The following GRM7 variants were observed in gnomAD, a reference collection of about 807,000 sequenced individuals.
GRM7 encodes the protein metabotropic glutamate receptor 7.
Under a neutral mutation model 84.5 loss-of-function variants are expected in GRM7, and 35 were observed. The observed-to-expected ratio is 0.41, with a 90% CI of 0.32 to 0.55. The LOEUF (loss-of-function observed/expected upper bound fraction) is 0.55. Among genes scored for constraint, GRM7 ranks in the 20% least tolerant of loss-of-function variants. The pLI is 0.19. For missense variants in GRM7, 1,003 were observed against 1,194.6 expected (o/e 0.84, Z 2.36); for synonymous variants, 487 against 455.1 (o/e 1.07, Z -0.89).
rs895878169 is a variant in GRM7, at chr3:7,741,336, G to A, written c.*930G>A. 3 of 152,460 alleles carry A rather than the reference G, an allele frequency of 2.0e-5. No homozygotes were observed. 9.4% of individuals were successfully genotyped at this position (152,460 alleles called of 1,614,324 possible). Reference sequence around the variant, plus strand: ...TGTTCATGCCCCCTTTGACTGATCAGTGTGATAAGGACTTTAGGAAAAAAA... The same window carrying A: ...TGTTCATGCCCCCTTTGACTGATCAATGTGATAAGGACTTTAGGAAAAAAA... On this transcript the variant is annotated 3_prime_UTR_variant, in exon 10 of 10. Coordinates refer to ENST00000357716, the MANE Select transcript of GRM7 (RefSeq NM_000844.4).
chr3:7,040,165 G>A (rs907832768), intron 1 of GRM7, among the ~76,000 whole-genome samples: 2 of 152,184 alleles, frequency 1.3e-5, no homozygotes, highest in Non-Finnish European at 1.5e-5. Context: ...TGAATCATCA[G>A]ATTTTAGCTT....
intron 4 of GRM7, among the ~76,000 whole-genome samples, chr3:7,337,385 A>C (rs1701462012): frequency 6.6e-6 from 1 of 152,114 alleles, no homozygotes; most frequent in Non-Finnish European, 1.5e-5. Flanking sequence ...CCCACAACCA[A>C]ATGCAACAAA....
At chr3:7,285,552 A>G (rs1327086919) in intron 2 of GRM7, among the ~76,000 whole-genome samples, 3 of 152,176 alleles carry the variant, frequency 2.0e-5, no homozygotes, top group Non-Finnish European at 4.4e-5. Context: ...CAAAAAGTAC[A>G]GGTAACAGAG....
At chr3:7,297,158 C>T (rs1699844073) in intron 2 of GRM7, among the ~76,000 whole-genome samples, 1 of 151,996 alleles carries the variant, frequency 6.6e-6, no homozygotes, top group African/African-American at 2.4e-5. Context: ...CTAAACACTG[C>T]TTTATCTGTA....
intron 2 of GRM7, among the ~76,000 whole-genome samples, chr3:7,241,176 C>A (rs1312607016): frequency 1.3e-5 from 2 of 152,164 alleles, no homozygotes; most frequent in African/African-American, 4.8e-5. Flanking sequence ...TGCTTGACCT[C>A]AAATGTGAGG....
chr3:7,112,310 T>C (rs1220645169), intron 1 of GRM7, among the ~76,000 whole-genome samples: 4 of 151,686 alleles, frequency 2.6e-5, no homozygotes, highest in Admixed American at 6.6e-5. Context: ...CTACAACCTC[T>C]ACCTCCCAGG....
In GRM7 at chr3:7,144,062, G is replaced by T. The variant is rs183461512; in HGVS notation, c.520-2390G>T. 7.9e-3 allele frequency among the ~76,000 whole-genome samples: 1,202 copies of T among 152,300 alleles called. 6 individuals carry two copies. Among genetic ancestry groups the T allele is most frequent in the Non-Finnish European group, 0.013 (872 of 68,028 alleles). On this transcript the variant is annotated intron_variant, in intron 1 of 9. Coordinates refer to ENST00000357716, the MANE Select transcript of GRM7 (RefSeq NM_000844.4). The stretch of plus-strand genomic sequence containing the variant: ...GCTTATATAAGGTGTTTGAACAGCA[G>T]TCTGAGAGTGACCAGTAAAATAACT...
chr3:7,635,070 T>G (rs1698029500), intron 8 of GRM7, among the ~76,000 whole-genome samples: 1 of 152,172 alleles, frequency 6.6e-6, no homozygotes, highest in African/African-American at 2.4e-5. Context: ...TAGCCTCATA[T>G]GGGTATTGAG....
At chr3:7,344,883 T>A (rs2125083994) in intron 4 of GRM7, among the ~76,000 whole-genome samples, 1 of 152,262 alleles carries the variant, frequency 6.6e-6, no homozygotes, top group African/African-American at 2.4e-5. Flanking sequence ...TAGTTAACAA[T>A]TCATTGTATA....
chr3:7,158,297 A>C (rs2125076356), intron 2 of GRM7, among the ~76,000 whole-genome samples: 1 of 152,196 alleles, frequency 6.6e-6, no homozygotes, highest in South Asian at 2.1e-4. Flanking sequence ...CCACTCTCTC[A>C]GCTTCTGTTT....
Position 7,741,263 on chromosome 3 carries a change from T to C in GRM7, c.*857T>C, listed in dbSNP as rs1308930719. ...TATTTTGCAATAATTTTAATAATTA[T>C]TAAGCTGTTTGAAGGAAAGAATATG... On this transcript the variant is annotated 3_prime_UTR_variant, in exon 10 of 10. Coordinates refer to ENST00000357716, the MANE Select transcript of GRM7 (RefSeq NM_000844.4). 6 of 152,650 alleles carry C rather than the reference T, an allele frequency of 3.9e-5. No individual in the cohort carries two copies. The highest frequency in any genetic ancestry group is 7.3e-5 in the Non-Finnish European group (5 of 68,038). The allele number at this position is 152,650 out of a possible 1,614,324, so 9.5% of individuals were successfully genotyped here.
rs75474498 is a variant in GRM7, at chr3:7,740,163, G to C, written c.2699-194G>C. 3.0e-3 allele frequency among the ~76,000 whole-genome samples: 461 copies of C among 152,302 alleles called. 2 individuals carry two copies. Among genetic ancestry groups the C allele is most frequent in the African/African-American group, 0.011 (440 of 41,570 alleles). ...TCAGAGAAGAGAACGCAATTGATTT[G>C]AGAATCACTGGGAACCACAGATTTT... On this transcript the variant is annotated intron_variant, in intron 9 of 9. Coordinates refer to ENST00000357716, the MANE Select transcript of GRM7 (RefSeq NM_000844.4).
intron 7 of GRM7, among the ~76,000 whole-genome samples, chr3:7,485,186 A>T (rs1342080310): frequency 6.6e-6 from 1 of 152,212 alleles, no homozygotes; most frequent in Non-Finnish European, 1.5e-5. Context: ...ATGTGTCCAG[A>T]TTTTTAATCT....
At chr3:7,451,559 G>T (rs889773380) in intron 5 of GRM7, among the ~76,000 whole-genome samples, 55 of 152,118 alleles carry the variant, frequency 3.6e-4, no homozygotes, top group Admixed American at 2.9e-3. Context: ...GAGAGGGTAG[G>T]CAGGGTCCAG....
At position 7,356,162 on chromosome 3, in the gene GRM7, A is replaced by T. The variant is rs137904180; in HGVS notation, c.1033+49510A>T. On this transcript the variant is annotated intron_variant, in intron 4 of 9. Transcript: ENST00000357716. The stretch of plus-strand genomic sequence containing the variant: ...TTTAGCTGGATGGTCAGGGACTTAG[A>T]AGGAGCATGATGGGCAAATTGGTGA... Among the ~76,000 whole-genome samples, 737 of 152,186 alleles carry T rather than the reference A, an allele frequency of 4.8e-3. 11 individuals are homozygous for T. Among genetic ancestry groups the T allele is most frequent in the African/African-American group, 0.017 (712 of 41,536 alleles).
At chr3:7,255,149 C>T (rs1402891784) in intron 2 of GRM7, among the ~76,000 whole-genome samples, 2 of 151,514 alleles carry the variant, frequency 1.3e-5, no homozygotes, top group Non-Finnish European at 2.9e-5. Context: ...TCAAAAGATC[C>T]AGTAGATTCT....
chr3:7,305,990 A>C (rs1332724697), intron 3 of GRM7, among the ~76,000 whole-genome samples: 1 of 152,204 alleles, frequency 6.6e-6, no homozygotes, highest in Non-Finnish European at 1.5e-5. Context: ...ATCATACACA[A>C]GTTATAAATT....
In GRM7 at chr3:6,861,278, C is replaced by G; in HGVS notation, c.-111C>G. On this transcript the variant is annotated 5_prime_UTR_variant, in exon 1 of 10. Transcript: ENST00000357716. The surrounding 1 kb of genome is among the most constrained non-coding windows in gnomAD (Gnocchi z 6.4). ...CGGATTCCCCCACCCTCCGTGCCTG[C>G]AGGAGCCCCTGGGCTTTCCCGGAGG... 1 of 926,298 alleles carries G rather than the reference C, an allele frequency of 1.1e-6. No individual in the cohort carries two copies. Among genetic ancestry groups the G allele is most frequent in the Non-Finnish European group, 1.5e-6 (1 of 679,792 alleles). 57.4% of individuals were successfully genotyped at this position (926,298 alleles called of 1,614,324 possible).
At position 7,338,115 on chromosome 3, in the gene GRM7, TAC is replaced by T. The variant is rs141499269; in HGVS notation, c.1033+31490_1033+31491del. On this transcript the variant is annotated intron_variant, in intron 4 of 9. Coordinates refer to ENST00000357716, the MANE Select transcript of GRM7 (RefSeq NM_000844.4). ...TATATCATCTACATATATATTTATGTACACACACACACACACACACACACACA... is the reference window on the plus strand; with the variant it reads ...TATATCATCTACATATATATTTATGTACACACACACACACACACACACACA... 6.3e-3 allele frequency among the ~76,000 whole-genome samples: 925 copies of T among 146,570 alleles called. 12 individuals are homozygous for T. The highest frequency in any genetic ancestry group is 0.016 in the African/African-American group (620 of 39,870).
Sources: allele counts gnomAD v4.1 joint callset (sites outside exome capture counted in the v4.1 genomes callset), GRCh38; gene constraint gnomAD v4.1.1; non-coding constraint Gnocchi (gnomAD v3.1); transcripts MANE v1.5; gene names NCBI Gene and HGNC (gene_info 2026-07-23, HGNC 2026-07-21).